The following RAB8A variants were observed in gnomAD, a reference collection of about 807,000 sequenced individuals.
The protein encoded by RAB8A is ras-related protein Rab-8A.
A neutral mutation model predicts 29.2 loss-of-function variants in RAB8A; 5 were observed. The observed-to-expected ratio is 0.17, with a 90% CI of 0.09 to 0.36. The LOEUF is 0.36. RAB8A is among the 10% of genes least tolerant of loss of function. The pLI, the probability that RAB8A is intolerant of heterozygous loss-of-function variation, is 1.00. For synonymous variants in RAB8A, 108 were observed against 99.9 expected (o/e 1.08, Z -0.49); for missense variants, 171 against 272.2 (o/e 0.63, Z 2.62).
At position 16,127,416 on chromosome 19, in the gene RAB8A, G is replaced by A. The variant is rs371906594; in HGVS notation, c.325-21G>A. 4.1e-4 allele frequency: 594 copies of A among 1,439,600 alleles called. 1 individual carries two copies. The highest frequency in any genetic ancestry group is 1.5e-3 in the Middle Eastern group (8 of 5,374). 89.2% of individuals were successfully genotyped at this position (1,439,600 alleles called of 1,614,324 possible). ...CCTGTGTCATCCGGTCTGATCCCCC[G>A]TCTGTCCCCCTCCCTCTCAGCACGC... On this transcript the variant is annotated intron_variant, in intron 4 of 7. Transcript: ENST00000300935. The surrounding 1 kb of genome is among the most constrained non-coding windows in gnomAD (Gnocchi z 4.8).
chr19:16,125,404 GC>G lies in RAB8A; in HGVS notation c.247-64del. 7.1e-7 allele frequency: 1 copy of G among 1,406,488 alleles called. No individual in the cohort carries two copies. The highest frequency in any genetic ancestry group is 1.2e-5 in the South Asian group (1 of 83,962). 87.1% of individuals were successfully genotyped at this position (1,406,488 alleles called of 1,614,324 possible). A position where few individuals can be genotyped will look rare whatever the true frequency, so the allele number is the denominator to read the frequency against. On this transcript the variant is annotated intron_variant, in intron 3 of 7. Transcript: ENST00000300935. This position sits in a 1 kb window ranked among gnomAD's most constrained non-coding sequence, Gnocchi z 5.0. ...GGGCTCCCCACCACTGTTCTCTGGTGCCGCTGAGGCCTCCCTTCCAGAGCCT... is the reference window on the plus strand; with the variant it reads ...GGGCTCCCCACCACTGTTCTCTGGTGCGCTGAGGCCTCCCTTCCAGAGCCT...
At chr19:16,130,569 A>G (rs1331988967) in intron 7 of RAB8A, among the ~76,000 whole-genome samples, 1 of 152,222 alleles carries the variant, frequency 6.6e-6, no homozygotes, top group African/African-American at 2.4e-5. Flanking sequence ...CTGACCAACA[A>G]TAATTTGGGA....
At position 16,122,760 on chromosome 19, in the gene RAB8A, C is replaced by T. The variant is rs886092085; in HGVS notation, c.246+950C>T. On this transcript the variant is annotated intron_variant, in intron 3 of 7. Coordinates refer to ENST00000300935, the MANE Select transcript of RAB8A (RefSeq NM_005370.5). This position sits in a 1 kb window ranked among gnomAD's most constrained non-coding sequence, Gnocchi z 4.7. ...GGCATTATGTGTTTAGAGCATCCCACACGGCATCCGAAACCTCATGGCAAC... is the reference window on the plus strand; with the variant it reads ...GGCATTATGTGTTTAGAGCATCCCATACGGCATCCGAAACCTCATGGCAAC... Among the ~76,000 whole-genome samples, 2 of 152,176 alleles carry T rather than the reference C, an allele frequency of 1.3e-5. No homozygotes were observed. Among genetic ancestry groups the T allele is most frequent in the African/African-American group, 4.8e-5 (2 of 41,432 alleles).
chr19:16,121,362 A>G (rs1043336480), intron 2 of RAB8A, among the ~76,000 whole-genome samples: 2 of 152,196 alleles, frequency 1.3e-5, no homozygotes, highest in Non-Finnish European at 2.9e-5. Flanking sequence ...GACTTTCCCC[A>G]TCATTCAAAC....
intron 2 of RAB8A, among the ~76,000 whole-genome samples, chr19:16,118,948 G>A (rs996713748): frequency 7.6e-4 from 116 of 152,320 alleles, no homozygotes; most frequent in African/African-American, 2.7e-3. Context: ...GGTATAGTGG[G>A]GTCCTGCCCT....
chr19:16,112,975 A>G (rs150996263), intron 1 of RAB8A, among the ~76,000 whole-genome samples: 2,030 of 152,336 alleles, frequency 0.013, 45 homozygotes, highest in African/African-American at 0.044. Flanking sequence ...AGCCACTGCC[A>G]CAGACAGCCT....
At chr19:16,115,880 A>T (rs2090844012) in intron 1 of RAB8A, among the ~76,000 whole-genome samples, 1 of 152,098 alleles carries the variant, frequency 6.6e-6, no homozygotes, top group South Asian at 2.1e-4. Context: ...TAGCATCCCC[A>T]CCCTGGGTTC....
chr19:16,125,004 T>A lies in RAB8A; in HGVS notation c.247-466T>A. ...GTGTGGATGTCGGGTCAGGACTTCC[T>A]GGGCTCAGTTGTGCCTGGTAGGTGG... is the stretch of plus-strand genomic sequence containing the variant. On this transcript the variant is annotated intron_variant, in intron 3 of 7. Transcript: ENST00000300935. The surrounding 1 kb of genome is among the most constrained non-coding windows in gnomAD (Gnocchi z 5.0). 5.5e-6 allele frequency: 1 copy of A among 180,468 alleles called. No individual in the cohort carries two copies. Among genetic ancestry groups the A allele is most frequent in the South Asian group, 1.2e-4 (1 of 8,514 alleles). The allele number at this position is 180,468 out of a possible 1,614,324, so 11.2% of individuals were successfully genotyped here. A position where few individuals can be genotyped will look rare whatever the true frequency, so the allele number is the denominator to read the frequency against.
rs1371786147 is a variant in RAB8A, at chr19:16,125,243, G to A, written c.247-227G>A. The A allele has an allele frequency of 1.7e-5, 10 of 583,696 alleles. No individual in the cohort carries two copies. Among genetic ancestry groups the A allele is most frequent in the South Asian group, 2.0e-5 (1 of 49,958 alleles). 36.2% of individuals were successfully genotyped at this position (583,696 alleles called of 1,614,324 possible). A position where few individuals can be genotyped will look rare whatever the true frequency, so the allele number is the denominator to read the frequency against. Reference sequence around the variant, plus strand: ...GGCAGAAGGGTCACCTCAGCGGCCCGGGGGGCAGGACAAGGCTGGTGCCAG... The same window carrying A: ...GGCAGAAGGGTCACCTCAGCGGCCCAGGGGGCAGGACAAGGCTGGTGCCAG... On this transcript the variant is annotated intron_variant, in intron 3 of 7. Transcript: ENST00000300935. This position sits in a 1 kb window ranked among gnomAD's most constrained non-coding sequence, Gnocchi z 5.0.
intron 3 of RAB8A, chr19:16,124,991 G>GT: frequency 4.8e-5 from 10 of 210,392 alleles, no homozygotes; most frequent in East Asian, 1.1e-4. Flanking sequence ...GTGGATGTCG[G>GT]GTCAGGACTT....
chr19:16,118,369 C>A, intron 2 of RAB8A, 83 bp downstream of exon 2: 2 of 1,294,350 alleles, frequency 1.5e-6, no homozygotes, highest in Non-Finnish European at 2.2e-6. Context: ...CTCCACCGTC[C>A]CTGTGACCTT....
At chr19:16,112,240 CTG>C (rs1300795815) in intron 1 of RAB8A, 2 of 615,152 alleles carry the variant, frequency 3.3e-6, no homozygotes, top group Non-Finnish European at 5.5e-6. Context: ...GATAGGGAGA[CTG>C]AGGCTCCGAC....
intron 7 of RAB8A, among the ~76,000 whole-genome samples, chr19:16,129,922 C>T (rs577233973): frequency 2.6e-5 from 4 of 152,226 alleles, no homozygotes; most frequent in East Asian, 1.9e-4. Flanking sequence ...AGCCATGGCT[C>T]GGAGAAAAGC....
intron 6 of RAB8A, 74 bp from the exon 7 acceptor site, chr19:16,129,480 C>T (rs2090915939): frequency 6.8e-7 from 1 of 1,473,878 alleles, no homozygotes; most frequent in Non-Finnish European, 9.5e-7. Flanking sequence ...TGTCTCACCA[C>T]ACCCGCTGTA....
chr19:16,128,920 G>T (rs902501477), intron 6 of RAB8A, among the ~76,000 whole-genome samples: 1 of 152,208 alleles, frequency 6.6e-6, no homozygotes, highest in Non-Finnish European at 1.5e-5. Context: ...ACATCATGGG[G>T]ATGTATGTTG....
chr19:16,119,667 C>G (rs1264937217), intron 2 of RAB8A, among the ~76,000 whole-genome samples: 1 of 152,114 alleles, frequency 6.6e-6, no homozygotes, highest in Non-Finnish European at 1.5e-5. Context: ...CCTTTGTTCC[C>G]AAGTCCAAAG....
chr19:16,112,103 C>A (rs2090826196), intron 1 of RAB8A, 78 bp downstream of exon 1: 7 of 1,571,782 alleles, frequency 4.5e-6, no homozygotes, highest in Non-Finnish European at 6.1e-6. Flanking sequence ...GCTGAGGGAT[C>A]TACAGGGCTG....
At chr19:16,123,377 G>T (rs1362350891) in intron 3 of RAB8A, among the ~76,000 whole-genome samples, 1 of 152,214 alleles carries the variant, frequency 6.6e-6, no homozygotes, top group East Asian at 1.9e-4. Flanking sequence ...GGAGGCCGAG[G>T]TGGGTAGATC....
At chr19:16,131,284 C>G (rs2090923229) in intron 7 of RAB8A, among the ~76,000 whole-genome samples, 1 of 152,066 alleles carries the variant, frequency 6.6e-6, no homozygotes, top group African/African-American at 2.4e-5. Flanking sequence ...TGGTATATAG[C>G]AGATGGAAAA....
Sources: gnomAD v4.1 joint callset for allele counts (sites outside exome capture counted in the v4.1 genomes callset) on GRCh38, gnomAD v4.1.1 for gene constraint, Gnocchi (gnomAD v3.1) non-coding constraint, MANE v1.5 for transcripts, NCBI Gene and HGNC (gene_info 2026-07-23, HGNC 2026-07-21) for gene names.